Variants in GRM4 observed in about 807,000 individuals in gnomAD.
The protein encoded by GRM4 is glutamate metabotropic receptor 4.
A neutral mutation model predicts 81.7 loss-of-function variants in GRM4; 28 were observed. That is an observed-to-expected ratio of 0.34 (90% CI 0.25 to 0.47). The LOEUF (loss-of-function observed/expected upper bound fraction) is 0.47. GRM4 is among the 20% of genes least tolerant of loss of function. The pLI is 1.00. For missense variants in GRM4, 948 were observed against 1,290.0 expected (o/e 0.73, Z 4.06); for synonymous variants, 488 against 528.8 (o/e 0.92, Z 1.06).
At chr6:34,099,723 A>G (rs1365903598) in intron 2 of GRM4, among the ~76,000 whole-genome samples, 3 of 152,134 alleles carry the variant, frequency 2.0e-5, no homozygotes, top group African/African-American at 7.2e-5. Context: ...CCCTGTCCCC[A>G]GTGATCAAAG....
At chr6:34,084,998 T>A (rs749512520) in intron 3 of GRM4, among the ~76,000 whole-genome samples, 19 of 152,166 alleles carry the variant, frequency 1.2e-4, no homozygotes, top group Non-Finnish European at 2.5e-4. Flanking sequence ...GTGCTAGGGC[T>A]GGCTGTGCAT....
intron 2 of GRM4, among the ~76,000 whole-genome samples, chr6:34,109,686 C>CA (rs1769286076): frequency 1.3e-5 from 2 of 152,126 alleles, no homozygotes; most frequent in South Asian, 4.1e-4. Flanking sequence ...GGCAGGATTA[C>CA]CCTCTACGGT....
At position 34,074,755 on chromosome 6, in the gene GRM4, C is replaced by T. The variant is rs1237342958; in HGVS notation, c.737-12727G>A. ...CAAAACACCTTTGAAGCGAGAAAGG[C>T]GGAAAAATAATAGAAAAGGGAAGCC... On this transcript the variant is annotated intron_variant, in intron 3 of 10. Coordinates refer to ENST00000538487, the MANE Select transcript of GRM4 (RefSeq NM_000841.4). This position sits in a 1 kb window ranked among gnomAD's most constrained non-coding sequence, Gnocchi z 4.9. Among the ~76,000 whole-genome samples the T allele has an allele frequency of 1.3e-5, 2 of 152,132 alleles. No individual in the cohort carries two copies. The highest frequency in any genetic ancestry group is 4.8e-5 in the African/African-American group (2 of 41,416).
At chr6:34,056,409 T>C in intron 6 of GRM4, 135 bp downstream of exon 6, 1 of 737,762 alleles carries the variant, frequency 1.4e-6, no homozygotes, top group Non-Finnish European at 2.2e-6. Context: ...CCACCCCAGG[T>C]GCAGGCCCAA....
Position 34,130,771 on chromosome 6 carries a change from A to G in GRM4, c.519+2207T>C, listed in dbSNP as rs1770201684. 6.6e-6 allele frequency among the ~76,000 whole-genome samples: 1 copy of G among 152,230 alleles called. No individual in the cohort carries two copies. The highest frequency in any genetic ancestry group is 1.5e-5 in the Non-Finnish European group (1 of 68,038). On this transcript the variant is annotated intron_variant, in intron 2 of 10. Coordinates refer to ENST00000538487, the MANE Select transcript of GRM4 (RefSeq NM_000841.4). This position sits in a 1 kb window ranked among gnomAD's most constrained non-coding sequence, Gnocchi z 4.1. ...AGTAGGCACTCACTCCGCTCTGGAAAACAGGGGAAGGGATCCTCACCAATG... is the reference window on the plus strand; with the variant it reads ...AGTAGGCACTCACTCCGCTCTGGAAGACAGGGGAAGGGATCCTCACCAATG...
intron 2 of GRM4, among the ~76,000 whole-genome samples, chr6:34,119,916 G>C (rs73744820): frequency 0.028 from 4,304 of 152,178 alleles, 117 homozygotes; most frequent in African/African-American, 0.075. Context: ...AGGATATCCA[G>C]AGAACCCAGC....
At chr6:34,038,936 G>T (rs759160156) in intron 8 of GRM4, among the ~76,000 whole-genome samples, 2 of 152,258 alleles carry the variant, frequency 1.3e-5, no homozygotes, top group Non-Finnish European at 2.9e-5. Flanking sequence ...GCAAGGGGAC[G>T]TGCTTAGAGT....
intron 2 of GRM4, chr6:34,101,885 C>G (rs1453422732): frequency 2.3e-5 from 16 of 699,738 alleles, no homozygotes; most frequent in Non-Finnish European, 3.5e-5. Flanking sequence ...TCACCAACCC[C>G]ACACGAGGCT....
exon 1 of GRM4, chr6:34,155,167 T>C: frequency 6.5e-7 from 1 of 1,535,286 alleles, no homozygotes; most frequent in Non-Finnish European, 8.7e-7. Flanking sequence ...CTCGGATTCG[T>C]GCGCGGCCAG....
chr6:34,098,656 C>T (rs1464605645), intron 2 of GRM4, among the ~76,000 whole-genome samples: 5 of 152,252 alleles, frequency 3.3e-5, no homozygotes, highest in Non-Finnish European at 7.3e-5. Flanking sequence ...TCAGGCCCTC[C>T]ACTGCCGGCT....
chr6:34,122,080 C>T (rs947597401), intron 2 of GRM4, among the ~76,000 whole-genome samples: 9 of 152,060 alleles, frequency 5.9e-5, no homozygotes, highest in African/African-American at 1.4e-4. Flanking sequence ...AGGAGAGAGG[C>T]TGGGATGTGT....
In GRM4 at chr6:34,080,934, G is replaced by A. The variant is rs1427673816; in HGVS notation, c.736+10949C>T. ...TCTTCCAAGCCTCAGACCAGGTGGC[G>A]AAACCAGGGACCCTTTGAGATTACC... On this transcript the variant is annotated intron_variant, in intron 3 of 10. Coordinates refer to ENST00000538487, the MANE Select transcript of GRM4 (RefSeq NM_000841.4). The surrounding 1 kb of genome is among the most constrained non-coding windows in gnomAD (Gnocchi z 5.4). Among the ~76,000 whole-genome samples the A allele has an allele frequency of 6.6e-6, 1 of 151,792 alleles. No homozygotes were observed. The highest frequency in any genetic ancestry group is 1.5e-5 in the Non-Finnish European group (1 of 67,950).
intron 1 of GRM4, among the ~76,000 whole-genome samples, chr6:34,143,370 A>G (rs1219981898): frequency 6.6e-6 from 1 of 151,638 alleles, no homozygotes; most frequent in East Asian, 1.9e-4. Context: ...GAGAGGGGAC[A>G]AGGCTCCAAC....
Position 34,058,947 on chromosome 6 carries a change from C to T in GRM4, c.1027+27G>A, listed in dbSNP as rs375395841. 270 of 1,595,438 alleles carry T rather than the reference C, an allele frequency of 1.7e-4. No homozygotes were observed. Among genetic ancestry groups the T allele is most frequent in the Non-Finnish European group, 2.2e-4 (257 of 1,169,880 alleles). On this transcript the variant is annotated intron_variant, in intron 5 of 10. Coordinates refer to ENST00000538487, the MANE Select transcript of GRM4 (RefSeq NM_000841.4). ...CAGGAGGAGCAGTCCAGGATGGTGC[C>T]GACCACCTGCACCCGCCCAGCCTTA...
intron 2 of GRM4, among the ~76,000 whole-genome samples, chr6:34,113,612 G>T (rs1490315619): frequency 6.6e-6 from 1 of 152,140 alleles, no homozygotes; most frequent in Non-Finnish European, 1.5e-5. Context: ...GGGAGGATGG[G>T]GCTCTGCAGA....
Position 34,069,202 on chromosome 6 carries a change from A to ACGCACGCACG in GRM4, c.737-7175_737-7174insCGTGCGTGCG, listed in dbSNP as rs1554123171. On this transcript the variant is annotated intron_variant, in intron 3 of 10. Transcript: ENST00000538487. This position sits in a 1 kb window ranked among gnomAD's most constrained non-coding sequence, Gnocchi z 6.4. ...CACACACACACACACACACACACACACACGCACGCACACACGGCTCCTTCC... is the reference window on the plus strand; with the variant it reads ...CACACACACACACACACACACACACACGCACGCACGCACGCACGCACACACGGCTCCTTCC... 2.1e-5 allele frequency among the ~76,000 whole-genome samples: 3 copies of ACGCACGCACG among 142,254 alleles called. No homozygotes were observed. Among genetic ancestry groups the ACGCACGCACG allele is most frequent in the Non-Finnish European group, 3.0e-5 (2 of 66,716 alleles). 93.3% of individuals were successfully genotyped at this position (142,254 alleles called of 152,430 possible). A position where few individuals can be genotyped will look rare whatever the true frequency, so the allele number is the denominator to read the frequency against.
At chr6:34,041,228 C>T (rs1765007664) in intron 6 of GRM4, among the ~76,000 whole-genome samples, 1 of 152,164 alleles carries the variant, frequency 6.6e-6, no homozygotes, top group Admixed American at 6.5e-5. Flanking sequence ...TGGGCAGTTG[C>T]TCCAGCCAGA....
intron 3 of GRM4, among the ~76,000 whole-genome samples, chr6:34,079,154 G>C (rs1038043994): frequency 6.6e-6 from 1 of 152,332 alleles, no homozygotes; most frequent in South Asian, 2.1e-4. Flanking sequence ...ATGGACACAA[G>C]GCAAGTCCAG....
At chr6:34,024,719 A>G (rs1764047842) in intron 10 of GRM4, 1 of 455,902 alleles carries the variant, frequency 2.2e-6, no homozygotes, top group Non-Finnish European at 4.4e-6. Flanking sequence ...GCTCCCTGTC[A>G]ACAGAAAAAT....
Sources: allele counts gnomAD v4.1 joint callset (sites outside exome capture counted in the v4.1 genomes callset), GRCh38; gene constraint gnomAD v4.1.1; non-coding constraint Gnocchi (gnomAD v3.1); transcripts MANE v1.5; gene names NCBI Gene and HGNC (gene_info 2026-07-23, HGNC 2026-07-21).